ESRRB: variants seen among roughly 807,000 people sequenced by gnomAD.
ESRRB encodes the protein estrogen related receptor beta.
ESRRB carries 16 observed loss-of-function variants against 46.0 expected under a neutral mutation model. That is an observed-to-expected ratio of 0.35 (90% CI 0.24 to 0.53). The LOEUF (loss-of-function observed/expected upper bound fraction) is 0.53. Among genes scored for constraint, ESRRB ranks in the 20% least tolerant of loss-of-function variants. The probability of loss-of-function intolerance (pLI) is 0.93; values close to 1 mark genes in which losing one functional copy is unlikely to be tolerated. For synonymous variants in ESRRB, 246 were observed against 259.6 expected (o/e 0.95, Z 0.50); for missense variants, 488 against 607.4 (o/e 0.80, Z 2.07).
intron 1 of ESRRB, among the ~76,000 whole-genome samples, chr14:76,342,788 GT>G (rs1884206846): frequency 2.0e-5 from 3 of 152,222 alleles, no homozygotes; most frequent in Admixed American, 2.0e-4. Flanking sequence ...TGACTTTTTT[GT>G]TTGTTTAGAA....
At position 76,340,270 on chromosome 14, in the gene ESRRB, G is replaced by T. The variant is rs539096719; in HGVS notation, c.2+29354G>T. ...CTCAGAGTGATGACTGGAACGAGGC[G>T]CAGAAAGTGGCTGGGTCAGGAGACG... On this transcript the variant is annotated intron_variant, in intron 1 of 6. Coordinates refer to the ESRRB transcript ENST00000512784. Among the ~76,000 whole-genome samples, 334 of 152,344 alleles carry T rather than the reference G, an allele frequency of 2.2e-3. 1 individual carries two copies. The highest frequency in any genetic ancestry group is 3.3e-3 in the Non-Finnish European group (225 of 68,032).
intron 1 of ESRRB, among the ~76,000 whole-genome samples, chr14:76,408,309 T>C (rs768504050): frequency 1.3e-5 from 2 of 152,286 alleles, no homozygotes; most frequent in Non-Finnish European, 2.9e-5. Context: ...CTGGGCTCAG[T>C]GGCTCACGCC....
At position 76,330,499 on chromosome 14, in the gene ESRRB, G is replaced by A. The variant is rs887176428; in HGVS notation, c.2+19583G>A. Among the ~76,000 whole-genome samples the A allele has an allele frequency of 3.3e-5, 5 of 152,228 alleles. No homozygotes were observed. The East Asian group carries it at 7.7e-4, about 23-fold the overall frequency. ...CCCCTAAAAAGAGGCCATCATGGCC[G>A]CTGGCCCTGGTTGCCCCCGCACTCT... On this transcript the variant is annotated intron_variant, in intron 1 of 6. Coordinates refer to the ESRRB transcript ENST00000512784.
At chr14:76,365,567 C>T (rs1297509603) in intron 1 of ESRRB, among the ~76,000 whole-genome samples, 2 of 152,200 alleles carry the variant, frequency 1.3e-5, no homozygotes, top group Non-Finnish European at 2.9e-5. Context: ...GGCTGAGACA[C>T]AAAGTGTGCC....
chr14:76,324,153 G>A (rs551439317), intron 1 of ESRRB, among the ~76,000 whole-genome samples: 68 of 152,274 alleles, frequency 4.5e-4, no homozygotes, highest in African/African-American at 1.1e-3. Context: ...AAAATAGGGC[G>A]GCAGGAAGCT....
chr14:76,482,187 C>A lies in ESRRB; in HGVS notation c.688+61C>A. The A allele has an allele frequency of 7.9e-7, 1 of 1,261,568 alleles. No homozygotes were observed. The highest frequency in any genetic ancestry group is 1.2e-6 in the Non-Finnish European group (1 of 862,880). 78.1% of individuals were successfully genotyped at this position (1,261,568 alleles called of 1,614,324 possible). The stretch of plus-strand genomic sequence containing the variant: ...CATCTGTACCTGGAACATCAGGCAT[C>A]CCTTAGGGAAACATCATCTTCCCAC... On this transcript the variant is annotated intron_variant, in intron 4 of 6. Transcript: ENST00000644823. The surrounding 1 kb of genome is among the most constrained non-coding windows in gnomAD (Gnocchi z 4.3).
At chr14:76,392,459 G>A (rs1200519470) in intron 1 of ESRRB, among the ~76,000 whole-genome samples, 1 of 152,212 alleles carries the variant, frequency 6.6e-6, no homozygotes, top group Non-Finnish European at 1.5e-5. Flanking sequence ...AGGTCCAGAG[G>A]AGCTGAGTGA....
intron 5 of ESRRB, among the ~76,000 whole-genome samples, chr14:76,486,326 T>G (rs1359128808): frequency 1.3e-5 from 2 of 152,174 alleles, no homozygotes; most frequent in Non-Finnish European, 2.9e-5. Context: ...GGCTCCCATG[T>G]GCAGGGCATC....
intron 1 of ESRRB, among the ~76,000 whole-genome samples, chr14:76,315,266 C>A (rs956208014): frequency 4.4e-5 from 4 of 90,702 alleles, no homozygotes; most frequent in Non-Finnish European, 9.7e-5. Context: ...CTGCATTCAC[C>A]CCCTGTGCTA....
chr14:76,321,141 A>G (rs1883862043), intron 1 of ESRRB, among the ~76,000 whole-genome samples: 1 of 152,172 alleles, frequency 6.6e-6, no homozygotes, highest in Non-Finnish European at 1.5e-5. Context: ...TTCTCCCGTA[A>G]GTCCTTAACT....
chr14:76,361,404 C>G (rs1316563359), intron 1 of ESRRB, among the ~76,000 whole-genome samples: 1 of 152,178 alleles, frequency 6.6e-6, no homozygotes, highest in African/African-American at 2.4e-5. Context: ...GCCATTATCT[C>G]TCCATTACCT....
chr14:76,413,116 C>G (rs1256184918), intron 1 of ESRRB, among the ~76,000 whole-genome samples: 1 of 152,170 alleles, frequency 6.6e-6, no homozygotes, highest in African/African-American at 2.4e-5. Flanking sequence ...TACCCAGACC[C>G]AGCATTGCAG....
rs989814152 is a variant in ESRRB at position 76,498,666 on chromosome 14, G to A, written c.*208G>A. ...GGGGATGGGGGGGCAGGGGTGTGGG[G>A]CTCGACTGTAACTGGCTTTTTCTTT... is the stretch of plus-strand genomic sequence containing the variant. On this transcript the variant is annotated 3_prime_UTR_variant, in exon 7 of 7. Transcript: ENST00000644823. 4.9e-6 allele frequency: 7 copies of A among 1,441,114 alleles called. No homozygotes were observed. In the Admixed American group the frequency reaches 7.7e-5, roughly 16 times the overall value. 89.3% of individuals were successfully genotyped at this position (1,441,114 alleles called of 1,614,324 possible).
chr14:76,475,088 T>G (rs938493564), intron 3 of ESRRB, among the ~76,000 whole-genome samples: 1 of 151,950 alleles, frequency 6.6e-6, no homozygotes, highest in African/African-American at 2.4e-5. Context: ...TAAAAAATTA[T>G]CTGGGTGTCA....
At chr14:76,404,799 A>G (rs1243166869) in intron 1 of ESRRB, among the ~76,000 whole-genome samples, 1 of 152,232 alleles carries the variant, frequency 6.6e-6, no homozygotes, top group Non-Finnish European at 1.5e-5. Flanking sequence ...TCCTTAACTC[A>G]GAGATGATAA....
Position 76,458,425 on chromosome 14 carries a change from GACACACACACACACAC to G in ESRRB, c.461-4090_461-4075del, listed in dbSNP as rs58562150. 2.7e-3 allele frequency among the ~76,000 whole-genome samples: 360 copies of G among 134,938 alleles called. 1 individual carries two copies. The highest frequency in any genetic ancestry group is 8.7e-3 in the African/African-American group (327 of 37,508). The allele number at this position is 134,938 out of a possible 152,430, so 88.5% of individuals were successfully genotyped here. On this transcript the variant is annotated intron_variant, in intron 2 of 6. Coordinates refer to ENST00000644823, the MANE Select transcript of ESRRB (RefSeq NM_001379180.1). ...AACAAATAATTAGGTCTCTCTCTCT[GACACACACACACACAC>G]ACACACACACACACACACACACACA... is the stretch of plus-strand genomic sequence containing the variant.
In ESRRB at chr14:76,409,291, C is replaced by T. The variant is rs11846490; in HGVS notation, c.51-30050C>T. 9.9e-3 allele frequency among the ~76,000 whole-genome samples: 1,508 copies of T among 152,002 alleles called. 25 individuals are homozygous for T. Among genetic ancestry groups the T allele is most frequent in the African/African-American group, 0.035 (1,446 of 41,458 alleles). On this transcript the variant is annotated intron_variant, in intron 1 of 6. Transcript: ENST00000644823. ...TTTGGATCTCTTTTTGGGCCTCCAG[C>T]GGGTGAAAGTTAAAATGACAAGCAG...
intron 1 of ESRRB, among the ~76,000 whole-genome samples, chr14:76,334,854 A>G (rs1038170672): frequency 2.0e-4 from 31 of 152,204 alleles, no homozygotes; most frequent in African/African-American, 7.5e-4. Context: ...GATACCAGAG[A>G]TCTGACCATC....
intron 1 of ESRRB, among the ~76,000 whole-genome samples, chr14:76,353,928 C>G (rs1471245241): frequency 1.3e-5 from 2 of 152,020 alleles, no homozygotes; most frequent in Non-Finnish European, 2.9e-5. Context: ...AGCCATGGAA[C>G]TCCAGCCTGG....
Sources: allele counts gnomAD v4.1 joint callset (sites outside exome capture counted in the v4.1 genomes callset), GRCh38; gene constraint gnomAD v4.1.1; non-coding constraint Gnocchi (gnomAD v3.1); transcripts MANE v1.5; gene names NCBI Gene and HGNC (gene_info 2026-07-23, HGNC 2026-07-21).